The following MYO1B variants were observed in gnomAD, a reference collection of about 807,000 sequenced individuals.
The protein encoded by MYO1B is myosin IB.
A neutral mutation model predicts 159.7 loss-of-function variants in MYO1B; 72 were observed. The ratio of observed to expected loss-of-function variants is 0.45; its 90% CI spans 0.37 to 0.55. MYO1B has a LOEUF of 0.55. Ranked by LOEUF, MYO1B falls within the 20% of genes least tolerant of loss-of-function variation. The pLI is 0.00. For missense variants in MYO1B, 1,062 were observed against 1,364.8 expected (o/e 0.78, Z 3.50); for synonymous variants, 468 against 473.8 (o/e 0.99, Z 0.16).
chr2:191,291,006 T>G (rs554013503), intron 2 of MYO1B, among the ~76,000 whole-genome samples: 43 of 152,258 alleles, frequency 2.8e-4, no homozygotes, highest in Middle Eastern at 3.4e-3. Context: ...TTATGTTGGG[T>G]CTCTTTCAAA....
intron 4 of MYO1B, among the ~76,000 whole-genome samples, chr2:191,331,833 T>C (rs1383715738): frequency 6.6e-6 from 1 of 152,182 alleles, no homozygotes; most frequent in Non-Finnish European, 1.5e-5. Flanking sequence ...AAGAATTGGA[T>C]CTTACAAATC....
At chr2:191,400,292 G>A in intron 21 of MYO1B, 90 bp from the exon 22 acceptor site, 1 of 1,380,582 alleles carries the variant, frequency 7.2e-7, no homozygotes, top group South Asian at 1.2e-5. Context: ...ATGGGTGTTA[G>A]GACGATCATC....
chr2:191,354,623 G>C (rs1041924984), intron 7 of MYO1B, among the ~76,000 whole-genome samples: 1 of 151,824 alleles, frequency 6.6e-6, no homozygotes, highest in Non-Finnish European at 1.5e-5. Context: ...ACAACCCCCC[G>C]CCCCCTACAA....
chr2:191,250,224 A>T (rs1686029237), intron 1 of MYO1B, among the ~76,000 whole-genome samples: 1 of 152,232 alleles, frequency 6.6e-6, no homozygotes, highest in South Asian at 2.1e-4. Flanking sequence ...TTGAGACAAA[A>T]GCTGAGAACA....
At chr2:191,364,028 G>A in intron 10 of MYO1B, 130 bp from the exon 11 acceptor site, 1 of 1,232,014 alleles carries the variant, frequency 8.1e-7, no homozygotes, top group Non-Finnish European at 1.2e-6. Flanking sequence ...GCTAAGCTTT[G>A]TTTTTTGATG....
chr2:191,307,250 A>C (rs1689704054), intron 3 of MYO1B, among the ~76,000 whole-genome samples: 1 of 151,592 alleles, frequency 6.6e-6, no homozygotes, highest in Non-Finnish European at 1.5e-5. Flanking sequence ...TTTTTAGACC[A>C]CGTAGAGTAA....
intron 1 of MYO1B, among the ~76,000 whole-genome samples, chr2:191,256,548 G>A (rs966818322): frequency 7.9e-5 from 12 of 152,062 alleles, no homozygotes; most frequent in Non-Finnish European, 2.9e-5. Context: ...TCATACGAGG[G>A]ACCCCTTTGG....
At chr2:191,361,060 G>A (rs551370193) in intron 8 of MYO1B, among the ~76,000 whole-genome samples, 3 of 152,000 alleles carry the variant, frequency 2.0e-5, no homozygotes, top group Admixed American at 6.6e-5. Flanking sequence ...CACACCCCAG[G>A]GTTTGTGTAA....
chr2:191,253,455 C>T (rs2125663667), intron 1 of MYO1B, among the ~76,000 whole-genome samples: 1 of 152,216 alleles, frequency 6.6e-6, no homozygotes, highest in Non-Finnish European at 1.5e-5. Flanking sequence ...CCCCCAGAAG[C>T]CCCTCTCCCC....
intron 3 of MYO1B, among the ~76,000 whole-genome samples, chr2:191,308,164 G>A (rs1689767422): frequency 6.6e-6 from 1 of 152,094 alleles, no homozygotes; most frequent in Non-Finnish European, 1.5e-5. Flanking sequence ...ATAACCTCAG[G>A]TATGGGCGAA....
At chr2:191,391,973 G>A (rs1695781611) in intron 18 of MYO1B, 135 bp from the exon 19 acceptor site, 2 of 560,332 alleles carry the variant, frequency 3.6e-6, no homozygotes, top group South Asian at 8.1e-5. Flanking sequence ...TTTGATAAAT[G>A]GATGATTGCT....
At chr2:191,360,965 TA>T (rs1337420765) in intron 8 of MYO1B, among the ~76,000 whole-genome samples, 2 of 152,200 alleles carry the variant, frequency 1.3e-5, no homozygotes, top group Non-Finnish European at 2.9e-5. Flanking sequence ...CTTTAAAACA[TA>T]CTCCATATGC....
In MYO1B at chr2:191,379,925, T is replaced by A. The variant is rs182304756; in HGVS notation, c.1186-1537T>A. On this transcript the variant is annotated intron_variant, in intron 13 of 30. Transcript: ENST00000392318. Reference sequence around the variant, plus strand: ...AATTTGAGCACAGGGTTTTAAAAAATTTGTGTGAAAATGAGGACTGAGGAG... The same window carrying A: ...AATTTGAGCACAGGGTTTTAAAAAAATTGTGTGAAAATGAGGACTGAGGAG... Among the ~76,000 whole-genome samples, 219 of 152,290 alleles carry A rather than the reference T, an allele frequency of 1.4e-3. 1 individual carries two copies. The highest frequency in any genetic ancestry group is 5.2e-3 in the African/African-American group (215 of 41,558).
intron 1 of MYO1B, among the ~76,000 whole-genome samples, chr2:191,255,625 A>G (rs1476223286): frequency 1.3e-5 from 2 of 152,250 alleles, no homozygotes; most frequent in Admixed American, 1.3e-4. Context: ...GTAAATTATC[A>G]TAATAGTGGT....
chr2:191,416,296 A>G, intron 30 of MYO1B, 54 bp downstream of exon 30: 4 of 1,603,484 alleles, frequency 2.5e-6, no homozygotes, highest in Non-Finnish European at 3.4e-6. Context: ...TTTTTGTTTT[A>G]GTTCAGCTCT....
At position 191,260,254 on chromosome 2, in the gene MYO1B, C is replaced by CTTTATTTTTTT. The variant is rs757535238; in HGVS notation, c.-10+14631_-10+14632insATTTTTTTTTT. On this transcript the variant is annotated intron_variant, in intron 1 of 30. Coordinates refer to ENST00000392318, the MANE Select transcript of MYO1B (RefSeq NM_001130158.3). ...TAATATTACTTTTTTCCCAGATAGG[C>CTTTATTTTTTT]TTTTTTTTTTTTTGAATTAAAGCTA... Among the ~76,000 whole-genome samples, 2 of 60,962 alleles carry CTTTATTTTTTT rather than the reference C, an allele frequency of 3.3e-5. 1 individual carries two copies. Among genetic ancestry groups the CTTTATTTTTTT allele is most frequent in the Non-Finnish European group, 7.9e-5 (2 of 25,286 alleles). The allele number at this position is 60,962 out of a possible 152,430, so 40.0% of individuals were successfully genotyped here. A position where few individuals can be genotyped will look rare whatever the true frequency, so the allele number is the denominator to read the frequency against.
At chr2:191,373,005 C>A (rs1202628916) in intron 13 of MYO1B, among the ~76,000 whole-genome samples, 1 of 150,494 alleles carries the variant, frequency 6.6e-6, no homozygotes, top group East Asian at 2.0e-4. Flanking sequence ...TCCTGCAGCA[C>A]CACGCCCAGC....
Position 191,400,820 on chromosome 2 carries a change from C to T in MYO1B, c.2454C>T (p.Tyr818=). The T allele has an allele frequency of 6.2e-7, 1 of 1,613,986 alleles. No homozygotes were observed. Among genetic ancestry groups the T allele is most frequent in the Non-Finnish European group, 8.5e-7 (1 of 1,179,862 alleles). ...NKHAIAVIWA[Y]WLGSKARREL... is the part of the protein sequence containing the mutation. ...ATGCTATTGCAGTTATTTGGGCTTA[C>T]TGGCTTGGATCTAAGGTACTTGATG... Residue 818 remains tyrosine (Y), a synonymous_variant, in exon 23 of 31, where the codon TAC becomes TAT. Coordinates refer to ENST00000392318, the MANE Select transcript of MYO1B (RefSeq NM_001130158.3).
At chr2:191,254,050 A>G (rs1686287815) in intron 1 of MYO1B, among the ~76,000 whole-genome samples, 1 of 152,194 alleles carries the variant, frequency 6.6e-6, no homozygotes, top group Non-Finnish European at 1.5e-5. Flanking sequence ...CTGGTGTACA[A>G]GAAAGGGATT....
Sources: gnomAD v4.1 joint callset for allele counts (sites outside exome capture counted in the v4.1 genomes callset) on GRCh38, gnomAD v4.1.1 for gene constraint, MANE v1.5 for transcripts, NCBI Gene and HGNC (gene_info 2026-07-23, HGNC 2026-07-21) for gene names.